The following USP49 variants were observed in gnomAD, a reference collection of about 807,000 sequenced individuals.
The protein encoded by USP49 is ubiquitin carboxyl-terminal hydrolase 49.
Under a neutral mutation model 58.6 loss-of-function variants are expected in USP49, and 24 were observed. That is an observed-to-expected ratio of 0.41 (90% CI 0.30 to 0.58). USP49 has a LOEUF of 0.58. Ranked by LOEUF, USP49 falls within the 20% of genes least tolerant of loss-of-function variation. The pLI is 0.30. For missense variants in USP49, 703 were observed against 866.1 expected (o/e 0.81, Z 2.36); for synonymous variants, 408 against 365.1 (o/e 1.12, Z -1.34).
At chr6:41,894,289 A>C (rs2127368535) in intron 1 of USP49, 1 of 152,418 alleles carries the variant, frequency 6.6e-6, no homozygotes, top group Non-Finnish European at 1.5e-5. Context: ...GATGGCCATC[A>C]CTTCTTACAC....
chr6:41,831,454 C>T (rs1470278965), intron 3 of USP49, among the ~76,000 whole-genome samples: 1 of 151,480 alleles, frequency 6.6e-6, no homozygotes, highest in Non-Finnish European at 1.5e-5. Flanking sequence ...GTGGTGCGCA[C>T]CTGTAATCCC....
chr6:41,849,361 A>G (rs995419295), intron 3 of USP49, among the ~76,000 whole-genome samples: 1 of 152,170 alleles, frequency 6.6e-6, no homozygotes, highest in Non-Finnish European at 1.5e-5. Context: ...GAGAACTTCA[A>G]AACTCCACTT....
Position 41,845,123 on chromosome 6 carries a change from A to T in USP49, c.-29+26441T>A, listed in dbSNP as rs1464122379. Among the ~76,000 whole-genome samples the T allele has an allele frequency of 2.0e-5, 3 of 151,802 alleles. No individual in the cohort carries two copies. The East Asian group carries it at 5.8e-4, about 30-fold the overall frequency. ...ACCATGTTGGTCAGGCTGGTCTCGA[A>T]CTCCTGACCTCAAATGATCCACCCG... On this transcript the variant is annotated intron_variant, in intron 3 of 7. Coordinates refer to ENST00000682992, the MANE Select transcript of USP49 (RefSeq NM_001286554.2).
intron 7 of USP49, chr6:41,797,952 C>T (rs1168425674): frequency 7.0e-6 from 3 of 431,368 alleles, no homozygotes; most frequent in African/African-American, 2.2e-5. Context: ...ATTGCAACTT[C>T]AAACTCCTGG....
chr6:41,807,506 T>C (rs937513145), intron 3 of USP49, among the ~76,000 whole-genome samples: 2 of 152,168 alleles, frequency 1.3e-5, no homozygotes, highest in Non-Finnish European at 2.9e-5. Flanking sequence ...AGTGGCGGGA[T>C]ATCAGCTCAT....
At chr6:41,843,765 C>T (rs552401910) in intron 3 of USP49, among the ~76,000 whole-genome samples, 1 of 151,922 alleles carries the variant, frequency 6.6e-6, no homozygotes, top group African/African-American at 2.4e-5. Context: ...AAAAATCGGC[C>T]GGGTGTGGTG....
chr6:41,837,868 TA>T (rs1186230810), intron 3 of USP49, among the ~76,000 whole-genome samples: 1 of 152,244 alleles, frequency 6.6e-6, no homozygotes, highest in Non-Finnish European at 1.5e-5. Context: ...TCAGCATCAC[TA>T]ATCATTAGAG....
intron 1 of USP49, among the ~76,000 whole-genome samples, chr6:41,893,503 G>A (rs1774842174): frequency 6.6e-6 from 1 of 151,936 alleles, no homozygotes; most frequent in Non-Finnish European, 1.5e-5. Context: ...AAATGAAAAT[G>A]CTGTCCATAA....
At chr6:41,802,460 A>ATTTTTTTT (rs71545916) in intron 5 of USP49, among the ~76,000 whole-genome samples, 5 of 71,396 alleles carry the variant, frequency 7.0e-5, no homozygotes, top group East Asian at 3.6e-4. Flanking sequence ...TTATTTATTT[A>ATTTTTTTT]TTTATTTATT....
chr6:41,797,752 G>C (rs1772911936), intron 7 of USP49: 1 of 985,754 alleles, frequency 1.0e-6, no homozygotes, highest in Admixed American at 6.1e-5. Context: ...GGAAACTGGG[G>C]TGTGCAGAAG....
At chr6:41,848,831 G>T (rs1312537915) in intron 3 of USP49, among the ~76,000 whole-genome samples, 1 of 150,842 alleles carries the variant, frequency 6.6e-6, no homozygotes, top group African/African-American at 2.4e-5. Context: ...CTCCAGCCTG[G>T]ACAACACCAG....
At chr6:41,814,663 A>C (rs1194255993) in intron 3 of USP49, among the ~76,000 whole-genome samples, 1 of 36,034 alleles carries the variant, frequency 2.8e-5, no homozygotes. Context: ...GGGTAAATCT[A>C]CTTTAGAGAG....
At chr6:41,885,804 A>G (rs1774699560) in intron 2 of USP49, among the ~76,000 whole-genome samples, 1 of 152,018 alleles carries the variant, frequency 6.6e-6, no homozygotes, top group Non-Finnish European at 1.5e-5. Context: ...TCAGGAAAAA[A>G]AAAGAGAGAG....
In USP49 at chr6:41,793,395, G is replaced by A. The variant is rs1772832978; in HGVS notation, c.*3138C>T. 1 of 152,606 alleles carries A rather than the reference G, an allele frequency of 6.6e-6. No homozygotes were observed. Among genetic ancestry groups the A allele is most frequent in the Non-Finnish European group, 1.5e-5 (1 of 68,440 alleles). The allele number at this position is 152,606 out of a possible 1,614,324, so 9.5% of individuals were successfully genotyped here. On this transcript the variant is annotated 3_prime_UTR_variant, in exon 8 of 8. Transcript: ENST00000682992. ...CCTGCCTCAGCCTCCCAAGTAGCTG[G>A]GACTACAGGCACGTGCCACCATGCC...
intron 3 of USP49, among the ~76,000 whole-genome samples, chr6:41,851,158 C>A (rs1774020881): frequency 6.6e-6 from 1 of 152,182 alleles, no homozygotes; most frequent in Non-Finnish European, 1.5e-5. Flanking sequence ...CAGCATTACC[C>A]TGACACTAAA....
chr6:41,854,025 A>C (rs1774081762), intron 3 of USP49, among the ~76,000 whole-genome samples: 3 of 144,426 alleles, frequency 2.1e-5, no homozygotes, highest in South Asian at 2.2e-4. Context: ...AAAAAAAAAG[A>C]AGCAGGGTAG....
rs776405416 is a variant in USP49 at position 41,806,402 on chromosome 6, C to T, written c.582G>A (p.Arg194=). 9 of 1,561,802 alleles carry T rather than the reference C, an allele frequency of 5.8e-6. No individual in the cohort carries two copies. The East Asian group carries it at 1.1e-4, about 19-fold the overall frequency. Residue 194 remains arginine, a synonymous_variant, in exon 4 of 8, where the codon CGG becomes CGA. Coordinates refer to ENST00000682992, the MANE Select transcript of USP49 (RefSeq NM_001286554.2). This position sits in a 1 kb window ranked among gnomAD's most constrained non-coding sequence, Gnocchi z 5.9. Reference sequence around the variant, plus strand: ...TGCTGGCCAGCTCCTCCAGCAGCCGCCGTTTCACCTCGCGCCGCCGCCTCC... The same window carrying T: ...TGCTGGCCAGCTCCTCCAGCAGCCGTCGTTTCACCTCGCGCCGCCGCCTCC... ...EARRRRREVK[R]RLLEELASTP... is the part of the protein sequence containing the mutation.
intron 3 of USP49, among the ~76,000 whole-genome samples, chr6:41,837,404 T>C (rs931111076): frequency 8.5e-5 from 13 of 152,216 alleles, no homozygotes; most frequent in Non-Finnish European, 1.6e-4. Flanking sequence ...GCAAGCCATA[T>C]GCAGAAGATT....
chr6:41,893,899 C>G (rs144759574), intron 1 of USP49: 1 of 151,940 alleles, frequency 6.6e-6, no homozygotes, highest in Non-Finnish European at 1.5e-5. Context: ...ACTTTTTAGT[C>G]TTTACCCCTG....
Sources: gnomAD v4.1 joint callset for allele counts (sites outside exome capture counted in the v4.1 genomes callset) on GRCh38, gnomAD v4.1.1 for gene constraint, Gnocchi (gnomAD v3.1) non-coding constraint, MANE v1.5 for transcripts, NCBI Gene and HGNC (gene_info 2026-07-23, HGNC 2026-07-21) for gene names.